The following NAALADL2 variants were observed in gnomAD, a reference collection of about 807,000 sequenced individuals.
The protein encoded by NAALADL2 is inactive N-acetylated-alpha-linked acidic dipeptidase-like protein 2.
In NAALADL2, 76 loss-of-function variants were observed where a neutral mutation model predicts 87.2. The ratio of observed to expected loss-of-function variants is 0.87; its 90% CI spans 0.72 to 1.05. The LOEUF is 1.05. Ranked by LOEUF, NAALADL2 falls within the 50% of genes least tolerant of loss-of-function variation. The pLI is 0.00. For missense variants in NAALADL2, 1,089 were observed against 945.8 expected (o/e 1.15, Z -1.99); for synonymous variants, 354 against 331.0 (o/e 1.07, Z -0.75).
intron 1 of NAALADL2, among the ~76,000 whole-genome samples, chr3:174,892,921 CAAAA>C (rs35081771): frequency 1.2e-3 from 129 of 108,516 alleles, no homozygotes; most frequent in Middle Eastern, 0.01. Flanking sequence ...GACTCCAACT[CAAAA>C]AAAAAAAAAA....
chr3:174,808,914 C>T (rs891931390), intron 3 of NAALADL2, among the ~76,000 whole-genome samples: 2 of 151,736 alleles, frequency 1.3e-5, no homozygotes, highest in Admixed American at 1.3e-4. Context: ...TCTATCCAGA[C>T]TTTGAAATCT....
At position 175,162,384 on chromosome 3, in the gene NAALADL2, G is replaced by GT. The variant is rs1733361256; in HGVS notation, c.545+65095dup. 3.3e-5 allele frequency among the ~76,000 whole-genome samples: 5 copies of GT among 152,054 alleles called. 1 individual carries two copies. The highest frequency in any genetic ancestry group is 1.2e-4 in the African/African-American group (5 of 41,402). ...ATATCCACAATAATGCAAACTACAG[G>GT]TTGAAGTCGTATCAGTATGTTTAAT... On this transcript the variant is annotated intron_variant, in intron 2 of 13. Transcript: ENST00000454872.
intron 13 of NAALADL2, among the ~76,000 whole-genome samples, chr3:175,761,849 T>G (rs1748060913): frequency 1.3e-5 from 2 of 152,180 alleles, no homozygotes; most frequent in Admixed American, 1.3e-4. Context: ...AATTGAGGGT[T>G]TTTTTCTTAT....
chr3:175,706,905 C>T (rs926734796), intron 11 of NAALADL2, among the ~76,000 whole-genome samples: 4 of 152,120 alleles, frequency 2.6e-5, no homozygotes, highest in African/African-American at 9.6e-5. Flanking sequence ...CATATGCAAT[C>T]CTCTATATTT....
chr3:175,278,454 A>G (rs929219168), intron 4 of NAALADL2, among the ~76,000 whole-genome samples: 1 of 152,190 alleles, frequency 6.6e-6, no homozygotes, highest in African/African-American at 2.4e-5. Context: ...TTTGAAGTTC[A>G]AAAGAACAAG....
chr3:175,316,301 G>A (rs948750388), intron 4 of NAALADL2, among the ~76,000 whole-genome samples: 3 of 152,066 alleles, frequency 2.0e-5, no homozygotes, highest in Non-Finnish European at 2.9e-5. Flanking sequence ...GTCTGTGCAC[G>A]GTATTCCCTC....
intron 9 of NAALADL2, among the ~76,000 whole-genome samples, chr3:175,482,043 C>T (rs1049073110): frequency 9.7e-5 from 14 of 143,948 alleles, no homozygotes; most frequent in South Asian, 2.4e-4. Context: ...TGCACTGAGG[C>T]GAAGCTTACA....
At chr3:175,263,268 T>A (rs1450608483) in intron 4 of NAALADL2, among the ~76,000 whole-genome samples, 1 of 151,940 alleles carries the variant, frequency 6.6e-6, no homozygotes, top group African/African-American at 2.4e-5. Flanking sequence ...ACTTCAAACA[T>A]GGGTTATAAT....
At chr3:174,525,854 C>T (rs968212745) in intron 1 of NAALADL2, among the ~76,000 whole-genome samples, 3 of 152,102 alleles carry the variant, frequency 2.0e-5, no homozygotes, top group African/African-American at 4.8e-5. Context: ...TTTTGGGGGG[C>T]ACCCACTATG....
rs1165126866 is a variant in NAALADL2 at position 175,760,879 on chromosome 3, A to AT, written c.2189+5467dup. On this transcript the variant is annotated intron_variant, in intron 13 of 13. Transcript: ENST00000454872. ...TTTCTTAAACAAATTGATAGTCTTT[A>AT]TTTTTTAAAGCAGGTTTAGGCTTAG... is the stretch of plus-strand genomic sequence containing the variant. Among the ~76,000 whole-genome samples, 6 of 152,196 alleles carry AT rather than the reference A, an allele frequency of 3.9e-5. 1 individual carries two copies. The South Asian group carries it at 1.2e-3, about 32-fold the overall frequency.
chr3:174,844,181 G>T (rs1291761005), intron 3 of NAALADL2, among the ~76,000 whole-genome samples: 2 of 152,012 alleles, frequency 1.3e-5, no homozygotes, highest in African/African-American at 2.4e-5. Flanking sequence ...ACTATTTTTA[G>T]TTTATTTTTG....
At chr3:175,656,766 G>A (rs1731526770) in intron 11 of NAALADL2, among the ~76,000 whole-genome samples, 1 of 151,564 alleles carries the variant, frequency 6.6e-6, no homozygotes, top group Non-Finnish European at 1.5e-5. Flanking sequence ...GGGGGCGAGG[G>A]GGAGTAACCA....
Position 174,780,015 on chromosome 3 carries a change from AT to A in NAALADL2, c.-9+42271del, listed in dbSNP as rs1285608409. On this transcript the variant is annotated intron_variant, in intron 3 of 3. Coordinates refer to the NAALADL2 transcript ENST00000434257. ...TTTTCTAATTCTGTGAAGAAGGTCA[AT>A]TGTAGCTTGATGGGGATAGCATTGA... Among the ~76,000 whole-genome samples, 10 of 152,138 alleles carry A rather than the reference AT, an allele frequency of 6.6e-5. No individual in the cohort carries two copies. In the East Asian group the frequency reaches 1.4e-3, roughly 21 times the overall value.
At chr3:174,833,547 A>G (rs550100761) in intron 3 of NAALADL2, among the ~76,000 whole-genome samples, 6 of 152,254 alleles carry the variant, frequency 3.9e-5, no homozygotes, top group African/African-American at 1.4e-4. Flanking sequence ...GCCCACGTAT[A>G]TTATGAAGCC....
At chr3:174,770,136 A>G (rs1337398709) in intron 3 of NAALADL2, among the ~76,000 whole-genome samples, 3 of 152,182 alleles carry the variant, frequency 2.0e-5, no homozygotes, top group African/African-American at 7.2e-5. Flanking sequence ...ACAAACACAC[A>G]TGCATGTACA....
At chr3:175,186,063 C>G (rs1737287046) in intron 2 of NAALADL2, among the ~76,000 whole-genome samples, 1 of 151,982 alleles carries the variant, frequency 6.6e-6, no homozygotes, top group African/African-American at 2.4e-5. Context: ...TGCTTAACAG[C>G]TGGAGGTGTC....
At chr3:174,825,195 T>C (rs944535174) in intron 3 of NAALADL2, among the ~76,000 whole-genome samples, 132 of 152,350 alleles carry the variant, frequency 8.7e-4, no homozygotes, top group African/African-American at 2.9e-3. Context: ...TCTCATGATA[T>C]ACTACCTGCA....
chr3:175,416,122 AAAAT>A (rs889885095), intron 5 of NAALADL2, among the ~76,000 whole-genome samples: 3 of 151,994 alleles, frequency 2.0e-5, no homozygotes, highest in Admixed American at 6.6e-5. Context: ...ACCTCATCTT[AAAAT>A]AAATAAATAA....
chr3:175,031,380 TGTTTCTG>T (rs1752780396), intron 1 of NAALADL2, among the ~76,000 whole-genome samples: 3 of 152,110 alleles, frequency 2.0e-5, no homozygotes, highest in Non-Finnish European at 2.9e-5. Flanking sequence ...ATGTGGTACC[TGTTTCTG>T]CATTAATTCA....
Sources: gnomAD v4.1 joint callset for allele counts (sites outside exome capture counted in the v4.1 genomes callset) on GRCh38, gnomAD v4.1.1 for gene constraint, MANE v1.5 for transcripts, NCBI Gene and HGNC (gene_info 2026-07-23, HGNC 2026-07-21) for gene names.